The following ITGA1 variants were observed in gnomAD, a reference collection of about 807,000 sequenced individuals.
The protein encoded by ITGA1 is integrin alpha-1.
Under a neutral mutation model 145.9 loss-of-function variants are expected in ITGA1, and 85 were observed. The ratio of observed to expected loss-of-function variants is 0.58; its 90% CI spans 0.49 to 0.70. The LOEUF is 0.70. Ranked by LOEUF, ITGA1 falls within the 30% of genes least tolerant of loss-of-function variation. The pLI, the probability that ITGA1 is intolerant of heterozygous loss-of-function variation, is 0.00. For synonymous variants in ITGA1, 520 were observed against 495.3 expected (o/e 1.05, Z -0.66); for missense variants, 1,351 against 1,418.7 (o/e 0.95, Z 0.77).
chr5:52,951,245 C>T (rs1751214535), intron 28 of ITGA1, among the ~76,000 whole-genome samples: 1 of 152,156 alleles, frequency 6.6e-6, no homozygotes, highest in African/African-American at 2.4e-5. Context: ...AAAGAATTAA[C>T]TCATTGCCTT....
intron 28 of ITGA1, among the ~76,000 whole-genome samples, chr5:52,951,214 A>T (rs2111915734): frequency 6.6e-6 from 1 of 152,354 alleles, no homozygotes; most frequent in South Asian, 2.1e-4. Context: ...GATTAAAATG[A>T]TGTAGAGGTG....
chr5:52,905,950 A>T lies in ITGA1; in HGVS notation c.1455+42A>T, dbSNP rs199620754. 15 of 1,541,062 alleles carry T rather than the reference A, an allele frequency of 9.7e-6. No homozygotes were observed. The East Asian group carries it at 3.5e-4, about 36-fold the overall frequency. ...TTCTTTTATTTAAATTAATCTATTC[A>T]TACTCTATGTATATTTACTGTCTAT... On this transcript the variant is annotated intron_variant, in intron 12 of 28. Transcript: ENST00000282588.
intron 1 of ITGA1, among the ~76,000 whole-genome samples, chr5:52,846,405 A>G (rs1396907847): frequency 6.6e-6 from 1 of 152,174 alleles, no homozygotes; most frequent in African/African-American, 2.4e-5. Context: ...TCAGCCTTAA[A>G]AAAGAAAAAA....
intron 6 of ITGA1, among the ~76,000 whole-genome samples, chr5:52,871,359 G>A (rs1434912399): frequency 1.3e-5 from 2 of 151,998 alleles, no homozygotes; most frequent in African/African-American, 4.8e-5. Flanking sequence ...TCCATCTAGG[G>A]ATAGCAAAAT....
At chr5:52,858,135 T>C (rs890910376) in intron 2 of ITGA1, among the ~76,000 whole-genome samples, 1 of 152,236 alleles carries the variant, frequency 6.6e-6, no homozygotes, top group Admixed American at 6.5e-5. Context: ...TTTGTTCCTC[T>C]TCAATTTACT....
chr5:52,793,121 T>C (rs1748273680), intron 1 of ITGA1, among the ~76,000 whole-genome samples: 1 of 152,120 alleles, frequency 6.6e-6, no homozygotes, highest in African/African-American at 2.4e-5. Context: ...CCTTAGGACA[T>C]GTGTATCCCA....
intron 19 of ITGA1, 145 bp downstream of exon 19, chr5:52,925,632 G>C (rs1458841208): frequency 4.8e-6 from 3 of 619,116 alleles, no homozygotes; most frequent in East Asian, 5.6e-5. Flanking sequence ...AATGGTGAAA[G>C]TATTAAGCTT....
At chr5:52,848,555 G>GT (rs1749374146) in intron 1 of ITGA1, among the ~76,000 whole-genome samples, 1 of 151,920 alleles carries the variant, frequency 6.6e-6, no homozygotes, top group African/African-American at 2.4e-5. Context: ...AGTCATTATG[G>GT]TTTTTTATTT....
intron 1 of ITGA1, among the ~76,000 whole-genome samples, chr5:52,828,746 C>T (rs1749009043): frequency 6.6e-6 from 1 of 152,172 alleles, no homozygotes; most frequent in South Asian, 2.1e-4. Flanking sequence ...AATATATTGT[C>T]TCACATTTCT....
chr5:52,799,692 A>G (rs2111658802), intron 1 of ITGA1, among the ~76,000 whole-genome samples: 1 of 152,352 alleles, frequency 6.6e-6, no homozygotes, highest in South Asian at 2.1e-4. Flanking sequence ...ACAGGCTTGT[A>G]GCGTCCGAGT....
At chr5:52,910,517 T>C in intron 14 of ITGA1, 98 bp downstream of exon 14, 2 of 1,309,810 alleles carry the variant, frequency 1.5e-6, no homozygotes, top group South Asian at 1.6e-5. Flanking sequence ...AATTTCTTCC[T>C]CCTGACCTTA....
At chr5:52,872,101 A>G (rs1277725992) in intron 6 of ITGA1, among the ~76,000 whole-genome samples, 1 of 152,228 alleles carries the variant, frequency 6.6e-6, no homozygotes, top group East Asian at 1.9e-4. Context: ...TGTTCACATC[A>G]AAAGTGTAGC....
At chr5:52,940,972 A>T (rs1432332912) in intron 26 of ITGA1, among the ~76,000 whole-genome samples, 1 of 152,074 alleles carries the variant, frequency 6.6e-6, no homozygotes, top group African/African-American at 2.4e-5. Flanking sequence ...TACTGTTCCC[A>T]TCTTTATATC....
chr5:52,858,231 T>TC (rs1749546786), intron 2 of ITGA1, among the ~76,000 whole-genome samples: 1 of 152,130 alleles, frequency 6.6e-6, no homozygotes, highest in African/African-American at 2.4e-5. Context: ...GTTCCCAACT[T>TC]CCCCCTACAT....
rs750790672 is a variant in ITGA1, at chr5:52,893,839, A to G, written c.1089A>G (p.Glu363=). ...KTLGERIFAL[E]ATADQSAASF... ...TGGGAGAAAGAATATTTGCCCTGGAAGGTATGTCTATTTATCTTATTGCTG... is the reference window on the plus strand; with the variant it reads ...TGGGAGAAAGAATATTTGCCCTGGAGGGTATGTCTATTTATCTTATTGCTG... The change falls in exon 9 of 29, where the codon GAA becomes GAG. Residue 363 remains glutamate (E), a splice_region_variant and synonymous_variant. Transcript: ENST00000282588. 1.2e-6 allele frequency: 2 copies of G among 1,607,308 alleles called. No individual in the cohort carries two copies. The highest frequency in any genetic ancestry group is 1.1e-5 in the South Asian group (1 of 90,488).
intron 6 of ITGA1, among the ~76,000 whole-genome samples, chr5:52,878,462 C>T (rs1749901524): frequency 6.6e-6 from 1 of 152,052 alleles, no homozygotes; most frequent in Non-Finnish European, 1.5e-5. Flanking sequence ...TCCGGACAAT[C>T]CAATGGTTCA....
intron 7 of ITGA1, 67 bp downstream of exon 7, chr5:52,882,088 T>C: frequency 7.4e-7 from 1 of 1,346,252 alleles, no homozygotes; most frequent in African/African-American, 1.5e-5. Flanking sequence ...TTTAGCCTTT[T>C]GGCATATCAA....
At chr5:52,868,998 G>T (rs1749733272) in intron 6 of ITGA1, among the ~76,000 whole-genome samples, 1 of 152,160 alleles carries the variant, frequency 6.6e-6, no homozygotes, top group Admixed American at 6.5e-5. Context: ...ATGCCTTAAT[G>T]GTGCTTCTGT....
chr5:52,903,055 C>A (rs1302373101), intron 11 of ITGA1: 1 of 152,070 alleles, frequency 6.6e-6, no homozygotes, highest in Admixed American at 6.6e-5. Flanking sequence ...TAGTTACTGT[C>A]CCTGAGATTA....
Sources: gnomAD v4.1 joint callset for allele counts (sites outside exome capture counted in the v4.1 genomes callset) on GRCh38, gnomAD v4.1.1 for gene constraint, MANE v1.5 for transcripts, NCBI Gene and HGNC (gene_info 2026-07-23, HGNC 2026-07-21) for gene names.